The following DIP2C variants were observed in gnomAD, a reference collection of about 807,000 sequenced individuals.
DIP2C encodes DIP2 acetate--CoA ligase C (putative), also known as disco-interacting protein 2 homolog C.
A neutral mutation model predicts 192.4 loss-of-function variants in DIP2C; 33 were observed. The ratio of observed to expected loss-of-function variants is 0.17; its 90% CI spans 0.13 to 0.23. The LOEUF (loss-of-function observed/expected upper bound fraction) is 0.23, where lower values mean the gene tolerates loss of function less well. Among genes scored for constraint, DIP2C ranks in the 10% least tolerant of loss-of-function variants. The pLI is 1.00. For missense variants in DIP2C, 1,537 were observed against 2,110.1 expected (o/e 0.73, Z 5.32); for synonymous variants, 979 against 864.1 (o/e 1.13, Z -2.33).
intron 29 of DIP2C, among the ~76,000 whole-genome samples, chr10:337,509 C>CG (rs1957893999): frequency 7.4e-5 from 9 of 120,966 alleles, no homozygotes; most frequent in East Asian, 2.7e-4. Context: ...CCTAGACAGT[C>CG]TGTGTGTGTG....
chr10:385,456 A>T (rs1962812586), intron 14 of DIP2C, among the ~76,000 whole-genome samples: 1 of 152,232 alleles, frequency 6.6e-6, no homozygotes, highest in Non-Finnish European at 1.5e-5. Flanking sequence ...CATTTTCAAC[A>T]GCCTTTCGTA....
chr10:643,337 C>T (rs1855296794), intron 1 of DIP2C, among the ~76,000 whole-genome samples: 4 of 151,814 alleles, frequency 2.6e-5, no homozygotes, highest in Admixed American at 2.6e-4. Flanking sequence ...CACGGTAAAA[C>T]CCCGTCTCTA....
chr10:551,365 A>C (rs1564841303), intron 1 of DIP2C, among the ~76,000 whole-genome samples: 1 of 152,136 alleles, frequency 6.6e-6, no homozygotes, highest in Non-Finnish European at 1.5e-5. Flanking sequence ...TTGGAGTTCC[A>C]AAGGCCACGT....
intron 1 of DIP2C, among the ~76,000 whole-genome samples, chr10:601,426 T>A (rs1852066632): frequency 6.6e-6 from 1 of 152,234 alleles, no homozygotes; most frequent in African/African-American, 2.4e-5. Context: ...ACGGAGAAAC[T>A]GCCGCTTTAA....
At chr10:578,990 T>C (rs1382984953) in intron 1 of DIP2C, among the ~76,000 whole-genome samples, 1 of 152,112 alleles carries the variant, frequency 6.6e-6, no homozygotes, top group African/African-American at 2.4e-5. Context: ...TGTACATATG[T>C]AGGTACACTA....
At chr10:305,162 T>C (rs1166888662) in intron 32 of DIP2C, among the ~76,000 whole-genome samples, 1 of 151,904 alleles carries the variant, frequency 6.6e-6, no homozygotes, top group African/African-American at 2.4e-5. Context: ...TTGCACAAAC[T>C]CATACTCTCA....
Position 563,300 on chromosome 10 carries a change from C to G in DIP2C, c.86-76770G>C, listed in dbSNP as rs543768352. On this transcript the variant is annotated intron_variant, in intron 1 of 36. Transcript: ENST00000280886. ...CTTACATATTCATAATGACTGAAAG[C>G]AGCACGTATTTTTATGTTCCTTCCG... Among the ~76,000 whole-genome samples the G allele has an allele frequency of 7.9e-5, 12 of 152,316 alleles. No individual in the cohort carries two copies. In the East Asian group the frequency reaches 2.3e-3, roughly 29 times the overall value.
At chr10:497,465 GTC>G (rs1417481098) in intron 1 of DIP2C, among the ~76,000 whole-genome samples, 1 of 152,180 alleles carries the variant, frequency 6.6e-6, no homozygotes, top group African/African-American at 2.4e-5. Flanking sequence ...CAACTTCACA[GTC>G]TGTCTTCATC....
At position 390,034 on chromosome 10, in the gene DIP2C, C is replaced by T; in HGVS notation, c.1554G>A (p.Leu518=). 2 of 1,614,114 alleles carry T rather than the reference C, an allele frequency of 1.2e-6. No homozygotes were observed. Among genetic ancestry groups the T allele is most frequent in the Non-Finnish European group, 1.7e-6 (2 of 1,180,004 alleles). The change falls in exon 13 of 37, where the codon CTG becomes CTA. Residue 518 remains leucine, a synonymous_variant. Transcript: ENST00000280886. ...CCTGCGTCAGGGCCTGGCAGTGTGT[C>T]AGCAGCGCAGTCCTCGTCACCGTCA... ...LGVTVTRTAL[L]THCQALTQAC... is the part of the protein sequence containing the mutation.
At chr10:460,855 T>C (rs1269084701) in intron 3 of DIP2C, among the ~76,000 whole-genome samples, 1 of 152,166 alleles carries the variant, frequency 6.6e-6, no homozygotes, top group African/African-American at 2.4e-5. Context: ...ACAGCGGATC[T>C]CTCTGCAGAA....
At chr10:454,016 T>A (rs1969074665) in intron 3 of DIP2C, among the ~76,000 whole-genome samples, 1 of 152,212 alleles carries the variant, frequency 6.6e-6, no homozygotes, top group African/African-American at 2.4e-5. Flanking sequence ...TCAACAGAAT[T>A]TGCAGGACTC....
chr10:570,617 G>A (rs927630926), intron 1 of DIP2C, among the ~76,000 whole-genome samples: 22 of 152,046 alleles, frequency 1.4e-4, no homozygotes, highest in Non-Finnish European at 2.6e-4. Context: ...CCTACCACCC[G>A]ACCTGCCAGT....
intron 24 of DIP2C, among the ~76,000 whole-genome samples, chr10:352,574 G>A (rs1958875481): frequency 6.6e-6 from 1 of 152,206 alleles, no homozygotes; most frequent in African/African-American, 2.4e-5. Flanking sequence ...TTCACAGCCG[G>A]TCGGACATGA....
At chr10:487,713 G>C (rs71489249) in intron 1 of DIP2C, among the ~76,000 whole-genome samples, 1 of 151,290 alleles carries the variant, frequency 6.6e-6, no homozygotes, top group African/African-American at 2.4e-5. Context: ...GAGTAGCTGA[G>C]ACTACAGGCG....
At chr10:400,386 G>A (rs556559006) in intron 9 of DIP2C, among the ~76,000 whole-genome samples, 7 of 152,162 alleles carry the variant, frequency 4.6e-5, no homozygotes, top group African/African-American at 7.2e-5. Flanking sequence ...ATTTTCCTTC[G>A]ATGATAGAGT....
chr10:662,363 C>T (rs1468900303), intron 1 of DIP2C, among the ~76,000 whole-genome samples: 9 of 152,334 alleles, frequency 5.9e-5, no homozygotes, highest in African/African-American at 1.7e-4. Context: ...GTGAGAACTA[C>T]GCAGGTGTAT....
chr10:396,526 G>A (rs1390979107), intron 10 of DIP2C, among the ~76,000 whole-genome samples: 4 of 152,176 alleles, frequency 2.6e-5, no homozygotes, highest in South Asian at 2.1e-4. Context: ...ATATGCTCAT[G>A]CCTACAAGTT....
At chr10:650,911 G>A (rs1338625041) in intron 1 of DIP2C, 2 of 716,740 alleles carry the variant, frequency 2.8e-6, no homozygotes, top group Admixed American at 2.0e-5. Flanking sequence ...GGGAAGCTGA[G>A]GGTGTGTCCA....
At chr10:341,386 G>A in intron 28 of DIP2C, 57 bp from the exon 29 acceptor site, 3 of 1,608,766 alleles carry the variant, frequency 1.9e-6, no homozygotes. Context: ...AGACACCCGG[G>A]ACAATACGGG....
Sources: allele counts gnomAD v4.1 joint callset (sites outside exome capture counted in the v4.1 genomes callset), GRCh38; gene constraint gnomAD v4.1.1; transcripts MANE v1.5; gene names NCBI Gene and HGNC (gene_info 2026-07-23, HGNC 2026-07-21).